SCCPDH: variants seen among roughly 807,000 people sequenced by gnomAD.
SCCPDH encodes the protein saccharopine dehydrogenase-like oxidoreductase.
In SCCPDH, 34 loss-of-function variants were observed where a neutral mutation model predicts 51.5. The ratio of observed to expected loss-of-function variants is 0.66; its 90% CI spans 0.50 to 0.88. SCCPDH has a LOEUF of 0.88. Among genes scored for constraint, SCCPDH ranks in the 40% least tolerant of loss-of-function variants. The pLI is 0.00. For missense variants in SCCPDH, 464 were observed against 527.1 expected (o/e 0.88, Z 1.17); for synonymous variants, 187 against 191.3 (o/e 0.98, Z 0.19).
chr1:246,764,687 A>C (rs1291404411), intron 10 of SCCPDH, among the ~76,000 whole-genome samples: 5 of 152,266 alleles, frequency 3.3e-5, no homozygotes, highest in Non-Finnish European at 5.9e-5. Flanking sequence ...ATGTCAGTCA[A>C]ATCTGTGCTC....
intron 5 of SCCPDH, among the ~76,000 whole-genome samples, chr1:246,746,287 A>G (rs1012673423): frequency 1.5e-4 from 23 of 152,150 alleles, no homozygotes; most frequent in Non-Finnish European, 2.4e-4. Context: ...CAGGGGGTAC[A>G]TAACTGGGGG....
chr1:246,760,351 A>G, intron 9 of SCCPDH, 124 bp downstream of exon 9: 1 of 801,444 alleles, frequency 1.2e-6, no homozygotes, highest in Non-Finnish European at 1.9e-6. Context: ...AAATTAGATT[A>G]TTCAATCTTT....
intron 3 of SCCPDH, among the ~76,000 whole-genome samples, chr1:246,736,376 C>T (rs574671582): frequency 2.1e-4 from 32 of 152,124 alleles, no homozygotes; most frequent in Non-Finnish European, 3.7e-4. Flanking sequence ...TCAATTCTGT[C>T]ATGTTTTCAT....
At chr1:246,739,958 G>GC (rs1668653687) in intron 3 of SCCPDH, among the ~76,000 whole-genome samples, 1 of 152,040 alleles carries the variant, frequency 6.6e-6, no homozygotes, top group African/African-American at 2.4e-5. Flanking sequence ...GTGTCATACA[G>GC]TCAGACGAGC....
At chr1:246,728,900 A>G (rs1053324778) in intron 2 of SCCPDH, among the ~76,000 whole-genome samples, 9 of 152,148 alleles carry the variant, frequency 5.9e-5, no homozygotes, top group African/African-American at 1.9e-4. Flanking sequence ...CAGTATTTCA[A>G]CATAGGTTCT....
In SCCPDH at chr1:246,767,277, G is replaced by A; in HGVS notation, c.1267G>A (p.Val423Ile). The A allele has an allele frequency of 6.2e-7, 1 of 1,604,944 alleles. No individual in the cohort carries two copies. Among genetic ancestry groups the A allele is most frequent in the Middle Eastern group, 1.7e-4 (1 of 6,030 alleles). Reference protein sequence around the residue: ...RLNKHGIEFSVISSSEV With the variant: ...RLNKHGIEFSIISSSEV ...CAACAAACACGGTATTGAGTTTAGT[G>A]TTATTAGCAGCTCTGAAGTCTAAAC... The change falls in exon 12 of 12, where the codon GTT (valine) becomes ATT (isoleucine). Residue 423 changes from valine to isoleucine, a missense_variant. Val to Ile is a conservative substitution (Grantham distance 29). Coordinates refer to ENST00000366510, the MANE Select transcript of SCCPDH (RefSeq NM_016002.3).
chr1:246,728,436 C>G (rs1336385251), intron 2 of SCCPDH, among the ~76,000 whole-genome samples: 2 of 152,158 alleles, frequency 1.3e-5, no homozygotes, highest in Admixed American at 1.3e-4. Flanking sequence ...CCTGGTTATT[C>G]TCTGCCTGCT....
chr1:246,746,686 C>G (rs1381183242), intron 5 of SCCPDH, among the ~76,000 whole-genome samples: 1 of 152,094 alleles, frequency 6.6e-6, no homozygotes. Context: ...ACTAAAAATA[C>G]AAAAATTAGC....
chr1:246,744,023 A>G, intron 4 of SCCPDH, 53 bp from the exon 5 acceptor site: 1 of 1,089,314 alleles, frequency 9.2e-7, no homozygotes, highest in Non-Finnish European at 1.4e-6. Flanking sequence ...ACTTACCCCA[A>G]ATAATTTAGA....
At position 246,760,194 on chromosome 1, in the gene SCCPDH, C is replaced by G. The variant is rs1235875808; in HGVS notation, c.957C>G (p.Gly319=). Residue 319 remains glycine (G), a synonymous_variant, in exon 9 of 12, where the codon GGC becomes GGG. Coordinates refer to ENST00000366510, the MANE Select transcript of SCCPDH (RefSeq NM_016002.3). ...LIKFPWFFSF[G]YFSKQGPTQK... ...AGTTCCCATGGTTCTTCTCCTTTGG[C>G]TATTTTTCAAAACAAGGCCCAACAC... is the stretch of plus-strand genomic sequence containing the variant. 1 of 1,610,234 alleles carries G rather than the reference C, an allele frequency of 6.2e-7. No individual in the cohort carries two copies. Among genetic ancestry groups the G allele is most frequent in the African/African-American group, 1.3e-5 (1 of 74,686 alleles).
At chr1:246,735,689 G>A (rs1308197592) in intron 2 of SCCPDH, among the ~76,000 whole-genome samples, 1 of 152,102 alleles carries the variant, frequency 6.6e-6, no homozygotes, top group African/African-American at 2.4e-5. Flanking sequence ...GTGCCACCAC[G>A]CCCGGCTAAT....
chr1:246,763,946 G>A (rs1015909305), intron 9 of SCCPDH, among the ~76,000 whole-genome samples: 4 of 151,838 alleles, frequency 2.6e-5, no homozygotes, highest in Non-Finnish European at 5.9e-5. Context: ...CCTCAAATAG[G>A]TATCTAAAAC....
intron 8 of SCCPDH, 23 bp downstream of exon 8, chr1:246,760,099 A>G (rs1243744423): frequency 3.7e-6 from 6 of 1,600,438 alleles, no homozygotes; most frequent in African/African-American, 2.7e-5. Flanking sequence ...TTATGAAATT[A>G]GATTATTTTT....
At chr1:246,756,109 C>T (rs1201708166) in intron 5 of SCCPDH, among the ~76,000 whole-genome samples, 2 of 152,112 alleles carry the variant, frequency 1.3e-5, no homozygotes, top group Non-Finnish European at 2.9e-5. Context: ...GAGAATGTTT[C>T]CCAAAACACA....
intron 5 of SCCPDH, chr1:246,755,820 G>C (rs1024984803): frequency 1.3e-5 from 2 of 152,744 alleles, no homozygotes; most frequent in African/African-American, 4.8e-5. Context: ...TTGGACCACA[G>C]CTTTCCAGGC....
At chr1:246,749,119 C>T (rs372566792) in intron 5 of SCCPDH, among the ~76,000 whole-genome samples, 41 of 152,294 alleles carry the variant, frequency 2.7e-4, no homozygotes, top group Non-Finnish European at 4.1e-4. Flanking sequence ...CATGACTCAT[C>T]GCCTCGGCTG....
chr1:246,751,807 T>G lies in SCCPDH; in HGVS notation c.565-6419T>G, dbSNP rs181078535. Reference sequence around the variant, plus strand: ...TTTTTTTTTTGAGATGGAGTCTCGCTCTGTCGCCCAGGCTGGAGTGCAGTG... The same window carrying G: ...TTTTTTTTTTGAGATGGAGTCTCGCGCTGTCGCCCAGGCTGGAGTGCAGTG... On this transcript the variant is annotated intron_variant, in intron 5 of 11. Transcript: ENST00000366510. Among the ~76,000 whole-genome samples the G allele has an allele frequency of 3.3e-3, 477 of 146,484 alleles. 2 individuals are homozygous for G. The highest frequency in any genetic ancestry group is 5.9e-3 in the Non-Finnish European group (395 of 67,254).
At position 246,766,087 on chromosome 1, in the gene SCCPDH, A is replaced by G. The variant is rs754948942; in HGVS notation, c.1132A>G (p.Met378Val). 8.7e-6 allele frequency: 14 copies of G among 1,613,442 alleles called. No individual in the cohort carries two copies. The highest frequency in any genetic ancestry group is 8.3e-5 in the Admixed American group (5 of 59,900). Residue 378 changes from methionine (M) to valine (V), a missense_variant, in exon 11 of 12, where the codon ATG (methionine) becomes GTG (valine). Transcript: ENST00000366510. Reference protein sequence around the residue: ...EAGYVATPIAMVQAAMTLLSD... With the variant: ...EAGYVATPIAVVQAAMTLLSD... ...TGGCTATGTGGCTACCCCCATAGCT[A>G]TGGTTCAGGCAGCCATGACTCTTCT...
At chr1:246,749,693 C>T (rs1041833068) in intron 5 of SCCPDH, among the ~76,000 whole-genome samples, 5 of 152,280 alleles carry the variant, frequency 3.3e-5, no homozygotes, top group Middle Eastern at 3.4e-3. Flanking sequence ...TATAGAGCAT[C>T]GGACAAATTT....
Sources: allele counts gnomAD v4.1 joint callset (sites outside exome capture counted in the v4.1 genomes callset), GRCh38; gene constraint gnomAD v4.1.1; transcripts MANE v1.5; gene names NCBI Gene and HGNC (gene_info 2026-07-23, HGNC 2026-07-21).